Variants in MGMT observed in about 807,000 individuals in gnomAD.
MGMT encodes the protein methylated-DNA--protein-cysteine methyltransferase.
MGMT carries 14 observed loss-of-function variants against 15.9 expected under a neutral mutation model. The observed-to-expected ratio is 0.88, with a 90% CI of 0.58 to 1.37. The LOEUF is 1.37. MGMT is among the 40% of genes most tolerant of loss of function. The pLI is 0.00. For synonymous variants in MGMT, 130 were observed against 118.2 expected (o/e 1.10, Z -0.65); for missense variants, 282 against 268.1 (o/e 1.05, Z -0.36).
intron 2 of MGMT, among the ~76,000 whole-genome samples, chr10:129,591,278 T>C (rs1288200201): frequency 6.6e-6 from 1 of 152,238 alleles, no homozygotes; most frequent in African/African-American, 2.4e-5. Context: ...CAAGCAGTTC[T>C]TTCCAGGCTG....
At position 129,652,677 on chromosome 10, in the gene MGMT, G is replaced by C. The variant is rs188298162; in HGVS notation, c.126-55218G>C. Among the ~76,000 whole-genome samples, 56 of 152,272 alleles carry C rather than the reference G, an allele frequency of 3.7e-4. No individual in the cohort carries two copies. The East Asian group carries it at 0.01, about 28-fold the overall frequency. On this transcript the variant is annotated intron_variant, in intron 2 of 4. Coordinates refer to ENST00000651593, the MANE Select transcript of MGMT (RefSeq NM_002412.5). ...CTACTGTGTGGGGGCTTCTGTGGGAGAGGACCCTGTCCTCCGCACGTCAGC... is the reference window on the plus strand; with the variant it reads ...CTACTGTGTGGGGGCTTCTGTGGGACAGGACCCTGTCCTCCGCACGTCAGC...
At chr10:129,617,592 T>C (rs1847042306) in intron 2 of MGMT, among the ~76,000 whole-genome samples, 1 of 152,112 alleles carries the variant, frequency 6.6e-6, no homozygotes, top group African/African-American at 2.4e-5. Flanking sequence ...CCGGCATCTG[T>C]TATTTTTTGA....
chr10:129,589,846 C>T (rs1466141276), intron 2 of MGMT, among the ~76,000 whole-genome samples: 2 of 152,312 alleles, frequency 1.3e-5, no homozygotes, highest in South Asian at 2.1e-4. Flanking sequence ...AAAATCAGAG[C>T]CAATGGGAGC....
rs543916399 is a variant in MGMT at position 129,759,207 on chromosome 10, T to C, written c.280T>C (p.Phe94Leu). Residue 94 changes from phenylalanine (F) to leucine (L), a missense_variant, in exon 4 of 5, where the codon TTC (phenylalanine) becomes CTC (leucine). Coordinates refer to ENST00000651593, the MANE Select transcript of MGMT (RefSeq NM_002412.5). ...LHHPVFQQES[F>L]TRQVLWKLLK... ...TCCTGCATTCTTCCTTTCAGAGTCG[T>C]TCACCAGACAGGTGTTATGGAAGCT... is the stretch of plus-strand genomic sequence containing the variant. The C allele has an allele frequency of 6.8e-6, 11 of 1,614,244 alleles. No individual in the cohort carries two copies. The South Asian group carries it at 1.1e-4, about 16-fold the overall frequency.
intron 1 of MGMT, 21 bp from the exon 2 acceptor site, chr10:129,536,220 T>A: frequency 6.2e-7 from 1 of 1,613,562 alleles, no homozygotes; most frequent in Non-Finnish European, 8.5e-7. Context: ...ACACTTTGTC[T>A]TAAAAATTAT....
At position 129,710,432 on chromosome 10, in the gene MGMT, C is replaced by G. The variant is rs568651815; in HGVS notation, c.274+2389C>G. Among the ~76,000 whole-genome samples, 187 of 152,314 alleles carry G rather than the reference C, an allele frequency of 1.2e-3. 2 individuals are homozygous for G. Among genetic ancestry groups the G allele is most frequent in the African/African-American group, 4.2e-3 (173 of 41,564 alleles). Reference sequence around the variant, plus strand: ...TTCTCTCGAGGGTAGGGGCTGGAGTCCCCTGGGCCAGGCCTGCCTGCGGAT... The same window carrying G: ...TTCTCTCGAGGGTAGGGGCTGGAGTGCCCTGGGCCAGGCCTGCCTGCGGAT... On this transcript the variant is annotated intron_variant, in intron 3 of 4. Transcript: ENST00000651593.
In MGMT at chr10:129,536,266, G is replaced by A. The variant is rs536098805; in HGVS notation, c.14G>A (p.Cys5Tyr). MDKD[C>Y]EMKRTTLDSP... The stretch of plus-strand genomic sequence containing the variant: ...GTACTTGGAAAAATGGACAAGGATT[G>A]TGAAATGAAACGCACCACACTGGAC... The change falls in exon 2 of 5, where the codon TGT becomes TAT. Residue 5 changes from cysteine (C) to tyrosine (Y), a missense_variant. By Grantham distance (194) the Cys-to-Tyr change is radical. Coordinates refer to ENST00000651593, the MANE Select transcript of MGMT (RefSeq NM_002412.5). 1.2e-6 allele frequency: 2 copies of A among 1,614,042 alleles called. No homozygotes were observed. The highest frequency in any genetic ancestry group is 1.7e-6 in the Non-Finnish European group (2 of 1,180,012).
chr10:129,529,995 G>C (rs1027990117), intron 1 of MGMT, among the ~76,000 whole-genome samples: 6 of 152,106 alleles, frequency 3.9e-5, no homozygotes, highest in Admixed American at 6.5e-5. Flanking sequence ...CGACCTCCTG[G>C]GCTCAAGCAA....
At chr10:129,538,125 A>ATTT (rs1252753234) in intron 2 of MGMT, among the ~76,000 whole-genome samples, 1 of 152,244 alleles carries the variant, frequency 6.6e-6, no homozygotes, top group Non-Finnish European at 1.5e-5. Flanking sequence ...TGAATAGTCA[A>ATTT]TTAAGTTTAA....
At chr10:129,526,015 G>A (rs7902058) in intron 1 of MGMT, among the ~76,000 whole-genome samples, 6,231 of 152,274 alleles carry the variant, frequency 0.041, 173 homozygotes, top group South Asian at 0.065. Context: ...AACCCCTTTC[G>A]GTTGTGAGAG....
chr10:129,608,402 A>G (rs538817012), intron 2 of MGMT, among the ~76,000 whole-genome samples: 1 of 152,360 alleles, frequency 6.6e-6, no homozygotes, highest in East Asian at 1.9e-4. Flanking sequence ...ATTTCTCATT[A>G]CAAGATGTAC....
chr10:129,565,433 G>A lies in MGMT; in HGVS notation c.125+29056G>A, dbSNP rs551048789. On this transcript the variant is annotated intron_variant, in intron 2 of 4. Transcript: ENST00000651593. ...GTGTGGACCCCTCAGCCTCTTTGAC[G>A]AGTGTTGTAATATATCTTGTTGAAT... Among the ~76,000 whole-genome samples the A allele has an allele frequency of 4.7e-4, 72 of 152,258 alleles. 1 individual carries two copies. Among genetic ancestry groups the A allele is most frequent in the African/African-American group, 1.6e-3 (65 of 41,550 alleles).
intron 2 of MGMT, among the ~76,000 whole-genome samples, chr10:129,538,150 T>A (rs559840072): frequency 1.3e-5 from 2 of 152,376 alleles, no homozygotes; most frequent in African/African-American, 2.4e-5. Flanking sequence ...TTATCATTTT[T>A]AAAATTTAGG....
chr10:129,698,783 C>T (rs11816923), intron 2 of MGMT, among the ~76,000 whole-genome samples: 2,975 of 152,272 alleles, frequency 0.02, 103 homozygotes, highest in African/African-American at 0.068. Flanking sequence ...TGTAGTCTCA[C>T]GTAGTCATTT....
chr10:129,588,300 C>A (rs1048152068), intron 2 of MGMT, among the ~76,000 whole-genome samples: 5 of 152,144 alleles, frequency 3.3e-5, no homozygotes, highest in African/African-American at 7.2e-5. Context: ...TGAGTCCACC[C>A]GTGCCTGGAC....
At chr10:129,523,800 T>C (rs1845839366) in intron 1 of MGMT, among the ~76,000 whole-genome samples, 1 of 152,208 alleles carries the variant, frequency 6.6e-6, no homozygotes, top group African/African-American at 2.4e-5. Context: ...ATGGTATTTC[T>C]GACCAGGCGG....
chr10:129,521,584 G>A (rs553743068), intron 1 of MGMT, among the ~76,000 whole-genome samples: 15 of 152,334 alleles, frequency 9.8e-5, no homozygotes, highest in Middle Eastern at 3.4e-3. Context: ...ACCCACCTCA[G>A]TCCTGCAGGA....
At chr10:129,544,975 C>T (rs750131888) in intron 2 of MGMT, among the ~76,000 whole-genome samples, 15 of 152,130 alleles carry the variant, frequency 9.9e-5, no homozygotes, top group African/African-American at 1.4e-4. Context: ...AGTGAGGACT[C>T]GGAGGGACTG....
chr10:129,581,122 T>C (rs1257269732), intron 2 of MGMT, among the ~76,000 whole-genome samples: 1 of 152,242 alleles, frequency 6.6e-6, no homozygotes, highest in Non-Finnish European at 1.5e-5. Context: ...TGGATAATTG[T>C]TAACGGTGCA....
Sources: allele counts gnomAD v4.1 joint callset (sites outside exome capture counted in the v4.1 genomes callset), GRCh38; gene constraint gnomAD v4.1.1; transcripts MANE v1.5; gene names NCBI Gene and HGNC (gene_info 2026-07-23, HGNC 2026-07-21).